TRIM38: variants seen among roughly 807,000 people sequenced by gnomAD.
The protein encoded by TRIM38 is E3 ubiquitin-protein ligase TRIM38.
A neutral mutation model predicts 35.8 loss-of-function variants in TRIM38; 35 were observed. The ratio of observed to expected loss-of-function variants is 0.98; its 90% CI spans 0.75 to 1.30. TRIM38 has a LOEUF of 1.30. Among genes scored for constraint, TRIM38 ranks in the 50% most tolerant of loss-of-function variants. The pLI, the probability that TRIM38 is intolerant of heterozygous loss-of-function variation, is 0.00. For missense variants in TRIM38, 545 were observed against 556.9 expected (o/e 0.98, Z 0.21); for synonymous variants, 198 against 204.7 (o/e 0.97, Z 0.28).
At chr6:25,973,832 G>A in intron 7 of TRIM38, 1 of 985,376 alleles carries the variant, frequency 1.0e-6, no homozygotes, top group Non-Finnish European at 1.2e-6. Flanking sequence ...ATTCCAAAAT[G>A]TTAGAACCAT....
At chr6:25,980,167 T>A (rs1760504830) in intron 7 of TRIM38, among the ~76,000 whole-genome samples, 1 of 152,028 alleles carries the variant, frequency 6.6e-6, no homozygotes, top group Non-Finnish European at 1.5e-5. Flanking sequence ...GTATTGACTA[T>A]GAGATTGCGC....
At chr6:25,983,125 C>A in intron 7 of TRIM38, 39 bp from the exon 8 acceptor site, 18 of 1,523,162 alleles carry the variant, frequency 1.2e-5, no homozygotes, top group Non-Finnish European at 1.6e-5. Context: ...TTCTTCACAG[C>A]AACAAAATTA....
In TRIM38 at chr6:25,986,479, A is replaced by T. The variant is rs894445742; in HGVS notation, c.*2792A>T. Reference sequence around the variant, plus strand: ...CAGTGAGCCATGGTCATGCCACTGAATTCCAGCCTAAGTGACAGAGCAAGA... The same window carrying T: ...CAGTGAGCCATGGTCATGCCACTGATTTCCAGCCTAAGTGACAGAGCAAGA... On this transcript the variant is annotated 3_prime_UTR_variant, in exon 8 of 8. Transcript: ENST00000357085. 2.6e-5 allele frequency: 4 copies of T among 151,414 alleles called. No homozygotes were observed. Among genetic ancestry groups the T allele is most frequent in the African/African-American group, 9.7e-5 (4 of 41,096 alleles). The allele number at this position is 151,414 out of a possible 1,614,324, so 9.4% of individuals were successfully genotyped here. A position where few individuals can be genotyped will look rare whatever the true frequency, so the allele number is the denominator to read the frequency against.
At chr6:25,972,840 C>T (rs1467631654) in intron 5 of TRIM38, among the ~76,000 whole-genome samples, 1 of 152,198 alleles carries the variant, frequency 6.6e-6, no homozygotes, top group African/African-American at 2.4e-5. Flanking sequence ...TGCTGAATCT[C>T]CCAGAAGCTG....
chr6:25,982,327 A>G (rs1356787471), intron 7 of TRIM38, among the ~76,000 whole-genome samples: 1 of 152,176 alleles, frequency 6.6e-6, no homozygotes, highest in Non-Finnish European at 1.5e-5. Flanking sequence ...CGCTTAATGC[A>G]CCACTACCTT....
intron 4 of TRIM38, among the ~76,000 whole-genome samples, chr6:25,970,195 C>A (rs375338369): frequency 6.6e-6 from 1 of 152,114 alleles, no homozygotes; most frequent in Non-Finnish European, 1.5e-5. Flanking sequence ...GGATTACAGG[C>A]GTGAGCCACT....
At chr6:25,978,834 T>C (rs1034117466) in intron 7 of TRIM38, among the ~76,000 whole-genome samples, 2 of 152,108 alleles carry the variant, frequency 1.3e-5, no homozygotes, top group African/African-American at 4.8e-5. Flanking sequence ...GCCTGGATAA[T>C]TTTTCATATT....
chr6:25,968,479 G>A (rs1332978908), intron 3 of TRIM38, among the ~76,000 whole-genome samples: 1 of 152,182 alleles, frequency 6.6e-6, no homozygotes, highest in East Asian at 1.9e-4. Flanking sequence ...GTGGTTATAA[G>A]CTTTGAGGAC....
Position 25,985,558 on chromosome 6 carries a change from TG to T in TRIM38, c.*1872del, listed in dbSNP as rs1296282071. ...AGGGCCACAGATGGAGAACCTAAGA[TG>T]AATAGAAAAAAAAGATTTTTCTCCC... On this transcript the variant is annotated 3_prime_UTR_variant, in exon 8 of 8. Coordinates refer to ENST00000357085, the MANE Select transcript of TRIM38 (RefSeq NM_006355.5). 4 of 152,182 alleles carry T rather than the reference TG, an allele frequency of 2.6e-5. No individual in the cohort carries two copies. The highest frequency in any genetic ancestry group is 7.2e-5 in the African/African-American group (3 of 41,442). 9.4% of individuals were successfully genotyped at this position (152,182 alleles called of 1,614,324 possible). A position where few individuals can be genotyped will look rare whatever the true frequency, so the allele number is the denominator to read the frequency against.
At chr6:25,970,130 A>G (rs181707370) in intron 4 of TRIM38, among the ~76,000 whole-genome samples, 2 of 151,814 alleles carry the variant, frequency 1.3e-5, no homozygotes, top group African/African-American at 4.8e-5. Flanking sequence ...GTTGGCCAGG[A>G]TGGTCTTGAT....
intron 5 of TRIM38, 54 bp downstream of exon 5, chr6:25,972,153 G>C: frequency 6.8e-7 from 1 of 1,480,498 alleles, no homozygotes; most frequent in Non-Finnish European, 9.4e-7. Context: ...TGCTATTAAA[G>C]GAGAATGGTA....
intron 7 of TRIM38, chr6:25,973,501 AT>A: frequency 1.0e-6 from 1 of 985,262 alleles, no homozygotes; most frequent in Non-Finnish European, 1.2e-6. Flanking sequence ...TCAAATTCTT[AT>A]TCTTTCACTT....
At position 25,983,351 on chromosome 6, in the gene TRIM38, C is replaced by T. The variant is rs779359695; in HGVS notation, c.1062C>T (p.Gly354=). Residue 354 remains glycine (G), a synonymous_variant, in exon 8 of 8, where the codon GGC becomes GGT. Transcript: ENST00000357085. ...GACGTTACTTTGAAGTGGATGTTGGCGAAGGAACCGGATGGGATTTAGGAG... is the reference window on the plus strand; with the variant it reads ...GACGTTACTTTGAAGTGGATGTTGGTGAAGGAACCGGATGGGATTTAGGAG... The part of the protein sequence containing the change: ...SGRRYFEVDV[G]EGTGWDLGVC... The T allele has an allele frequency of 1.8e-5, 29 of 1,613,714 alleles. No individual in the cohort carries two copies. In the Admixed American group the frequency reaches 2.2e-4, roughly 12 times the overall value.
Position 25,971,995 on chromosome 6 carries a change from C to G in TRIM38, c.634C>G (p.Leu212Val). ...AGAAGAACAACAGACTCTGAGTAGA[C>G]TGAGGGACTATGAGGCTGGTCTGGG... The part of the protein sequence containing the change: ...EKEEQQTLSR[L>V]RDYEAGLGLK... The change falls in exon 5 of 8, where the codon CTG becomes GTG. Residue 212 changes from leucine (L) to valine (V), a missense_variant. By Grantham distance (32) the Leu-to-Val change is conservative. Transcript: ENST00000357085. The G allele has an allele frequency of 6.2e-7, 1 of 1,614,120 alleles. No individual in the cohort carries two copies. Among genetic ancestry groups the G allele is most frequent in the Non-Finnish European group, 8.5e-7 (1 of 1,180,020 alleles).
At chr6:25,975,288 C>T (rs1401681562) in intron 7 of TRIM38, 1 of 262,960 alleles carries the variant, frequency 3.8e-6, no homozygotes, top group Non-Finnish European at 5.9e-6. Flanking sequence ...CAGCTCACTG[C>T]AGCCTCTGCC....
chr6:25,970,504 C>G (rs957154399), intron 4 of TRIM38, among the ~76,000 whole-genome samples: 2 of 152,138 alleles, frequency 1.3e-5, no homozygotes, highest in African/African-American at 4.8e-5. Context: ...CCTCTCTAAC[C>G]TCTACCCTGA....
At position 25,966,767 on chromosome 6, in the gene TRIM38, A is replaced by C. The variant is rs149722660; in HGVS notation, c.245A>C (p.Glu82Ala). The part of the protein sequence containing the change: ...RPNKQLGSLI[E>A]ALKETDQEMS... ...AACAAGCAGCTGGGAAGCCTCATTG[A>C]AGCCCTCAAAGAGACGGATCAAGAA... The change falls in exon 3 of 8, where the codon GAA becomes GCA. Residue 82 changes from glutamate (E) to alanine (A), a missense_variant. Transcript: ENST00000357085. 1 of 1,614,234 alleles carries C rather than the reference A, an allele frequency of 6.2e-7. No individual in the cohort carries two copies. Among genetic ancestry groups the C allele is most frequent in the Admixed American group, 1.7e-5 (1 of 60,028 alleles).
Position 25,975,389 on chromosome 6 carries a change from A to G in TRIM38, c.874+2104A>G, listed in dbSNP as rs545438593. ...GCTGATTTTTGTATTTTTAGTAGAG[A>G]TGGGGTTTCACAATGTTGGCCAGGC... On this transcript the variant is annotated intron_variant, in intron 7 of 7. Coordinates refer to ENST00000357085, the MANE Select transcript of TRIM38 (RefSeq NM_006355.5). Among the ~76,000 whole-genome samples, 3 of 151,910 alleles carry G rather than the reference A, an allele frequency of 2.0e-5. No individual in the cohort carries two copies. In the East Asian group the frequency reaches 5.8e-4, roughly 29 times the overall value.
chr6:25,979,633 G>T (rs1760489785), intron 7 of TRIM38, among the ~76,000 whole-genome samples: 1 of 151,286 alleles, frequency 6.6e-6, no homozygotes, highest in Non-Finnish European at 1.5e-5. Flanking sequence ...TCTTTTAAAA[G>T]AAGCTACCTT....
Sources: allele counts gnomAD v4.1 joint callset (sites outside exome capture counted in the v4.1 genomes callset), GRCh38; gene constraint gnomAD v4.1.1; transcripts MANE v1.5; gene names NCBI Gene and HGNC (gene_info 2026-07-23, HGNC 2026-07-21).